CTNNA2: variants seen among roughly 807,000 people sequenced by gnomAD.
The protein encoded by CTNNA2 is catenin alpha 2, also known as catenin alpha-2.
CTNNA2 carries 42 observed loss-of-function variants against 101.0 expected under a neutral mutation model. The observed-to-expected ratio is 0.42, with a 90% CI of 0.32 to 0.54. The LOEUF is 0.54. CTNNA2 is among the 20% of genes least tolerant of loss of function. The pLI, the probability that CTNNA2 is intolerant of heterozygous loss-of-function variation, is 0.14. For synonymous variants in CTNNA2, 450 were observed against 456.4 expected (o/e 0.99, Z 0.18); for missense variants, 871 against 1,223.1 (o/e 0.71, Z 4.29).
At chr2:79,292,001 G>T (rs1052562456) in intron 2 of CTNNA2, among the ~76,000 whole-genome samples, 6 of 151,924 alleles carry the variant, frequency 3.9e-5, no homozygotes, top group Non-Finnish European at 7.4e-5. Context: ...CAGGGCTTTT[G>T]GGGGGTAGAG....
chr2:80,515,492 A>T (rs898619653), intron 9 of CTNNA2, among the ~76,000 whole-genome samples: 1 of 152,176 alleles, frequency 6.6e-6, no homozygotes, highest in Non-Finnish European at 1.5e-5. Flanking sequence ...TGGGTCTTAG[A>T]TAACTTTTTG....
At chr2:79,992,876 T>C (rs1692279180) in intron 7 of CTNNA2, among the ~76,000 whole-genome samples, 1 of 152,212 alleles carries the variant, frequency 6.6e-6, no homozygotes, top group South Asian at 2.1e-4. Context: ...AAAGGGAAAG[T>C]AGGACTATAA....
chr2:80,194,564 C>A (rs1706717115), intron 7 of CTNNA2, among the ~76,000 whole-genome samples: 1 of 151,004 alleles, frequency 6.6e-6, no homozygotes, highest in African/African-American at 2.4e-5. Flanking sequence ...GTGTATGACT[C>A]AATGTCTGTA....
chr2:79,942,214 A>G (rs983872864), intron 7 of CTNNA2, among the ~76,000 whole-genome samples: 3 of 152,188 alleles, frequency 2.0e-5, no homozygotes, highest in South Asian at 2.1e-4. Flanking sequence ...GCAAGTGCCT[A>G]TGCCAGGAAT....
intron 12 of CTNNA2, among the ~76,000 whole-genome samples, chr2:80,570,538 G>C (rs1573310874): frequency 6.6e-6 from 1 of 152,056 alleles, no homozygotes; most frequent in African/African-American, 2.4e-5. Context: ...CTGACTTATG[G>C]TAAGGAAAAA....
chr2:80,055,068 C>G (rs1302733638), intron 7 of CTNNA2, among the ~76,000 whole-genome samples: 2 of 152,062 alleles, frequency 1.3e-5, no homozygotes, highest in Admixed American at 1.3e-4. Flanking sequence ...ACTCTGTGGT[C>G]CAGGCTGGAG....
At chr2:80,039,944 G>T (rs1227381736) in intron 7 of CTNNA2, among the ~76,000 whole-genome samples, 1 of 152,162 alleles carries the variant, frequency 6.6e-6, no homozygotes, top group Non-Finnish European at 1.5e-5. Flanking sequence ...TTAACTTCTG[G>T]TTAAATGCTG....
chr2:80,137,938 G>A (rs1184077444), intron 7 of CTNNA2, among the ~76,000 whole-genome samples: 1 of 152,114 alleles, frequency 6.6e-6, no homozygotes, highest in Non-Finnish European at 1.5e-5. Flanking sequence ...TCATAAGATG[G>A]AAGAATTAGC....
chr2:79,401,164 G>A (rs908965705), intron 4 of CTNNA2, among the ~76,000 whole-genome samples: 8 of 151,550 alleles, frequency 5.3e-5, no homozygotes, highest in African/African-American at 7.3e-5. Flanking sequence ...ATACTCCGGG[G>A]ATAGATATGC....
chr2:79,593,815 G>A (rs975521782), intron 1 of CTNNA2, among the ~76,000 whole-genome samples: 1 of 151,682 alleles, frequency 6.6e-6, no homozygotes, highest in African/African-American at 2.4e-5. Context: ...CAGTGATACA[G>A]GTTGGTATCA....
At chr2:79,844,729 C>T (rs1316565545) in intron 3 of CTNNA2, among the ~76,000 whole-genome samples, 1 of 152,098 alleles carries the variant, frequency 6.6e-6, no homozygotes, top group Non-Finnish European at 1.5e-5. Flanking sequence ...GTTAGAGATG[C>T]CTTGAACTTG....
intron 2 of CTNNA2, among the ~76,000 whole-genome samples, chr2:79,736,279 G>A (rs7565556): frequency 2.6e-5 from 4 of 151,908 alleles, no homozygotes; most frequent in Admixed American, 6.6e-5. Flanking sequence ...GAAGGTAAGC[G>A]TATATCTTTT....
At chr2:80,350,170 T>C (rs1048583730) in intron 7 of CTNNA2, among the ~76,000 whole-genome samples, 3 of 152,084 alleles carry the variant, frequency 2.0e-5, no homozygotes, top group African/African-American at 7.2e-5. Flanking sequence ...CATTTTTGAG[T>C]GGATAAATTT....
chr2:79,657,150 C>T (rs1681671065), intron 2 of CTNNA2, among the ~76,000 whole-genome samples: 1 of 151,716 alleles, frequency 6.6e-6, no homozygotes, highest in Admixed American at 6.6e-5. Context: ...GCTAAATAAA[C>T]TCAAAATTTG....
chr2:79,526,695 C>G (rs953709658), intron 1 of CTNNA2, among the ~76,000 whole-genome samples: 1 of 151,996 alleles, frequency 6.6e-6, no homozygotes, highest in Admixed American at 6.6e-5. Context: ...ATTGATTTTT[C>G]AACAAGGGTG....
chr2:80,510,200 G>A (rs1197327376), intron 9 of CTNNA2, among the ~76,000 whole-genome samples: 6 of 152,008 alleles, frequency 3.9e-5, no homozygotes, highest in South Asian at 2.1e-4. Context: ...CTGCCTAGTC[G>A]CTCATTGATT....
chr2:80,283,251 A>C (rs1229096359), intron 7 of CTNNA2, among the ~76,000 whole-genome samples: 1 of 152,122 alleles, frequency 6.6e-6, no homozygotes, highest in East Asian at 1.9e-4. Flanking sequence ...TTTGACTCAA[A>C]CAAACTAAAG....
At chr2:80,158,894 G>A (rs543305158) in intron 7 of CTNNA2, among the ~76,000 whole-genome samples, 1 of 149,634 alleles carries the variant, frequency 6.7e-6, no homozygotes, top group African/African-American at 2.5e-5. Context: ...CTGGGTGACA[G>A]AGTGAGACTC....
chr2:79,690,726 G>A (rs548626243), intron 2 of CTNNA2, among the ~76,000 whole-genome samples: 2 of 152,090 alleles, frequency 1.3e-5, no homozygotes, highest in African/African-American at 2.4e-5. Flanking sequence ...AGGTGGTGGA[G>A]CGAGGATTTA....
Sources: gnomAD v4.1 joint callset for allele counts (sites outside exome capture counted in the v4.1 genomes callset) on GRCh38, gnomAD v4.1.1 for gene constraint, MANE v1.5 for transcripts, NCBI Gene and HGNC (gene_info 2026-07-23, HGNC 2026-07-21) for gene names.